Variants in PKIA observed in about 807,000 individuals in gnomAD.
The protein encoded by PKIA is PKI-alpha.
Under a neutral mutation model 7.6 loss-of-function variants are expected in PKIA, and 4 were observed. The ratio of observed to expected loss-of-function variants is 0.52; its 90% confidence interval spans 0.26 to 1.20. PKIA has a LOEUF of 1.20. Ranked by LOEUF, PKIA falls within the 50% of genes most tolerant of loss-of-function variation. PKIA has a pLI of 0.13. For synonymous variants in PKIA, 21 were observed against 30.7 expected, an observed-to-expected ratio of 0.68 and a Z score of 1.04; for missense variants, 73 against 86.2, an observed-to-expected ratio of 0.85 and a Z score of 0.61.
At chr8:78,519,039 G>GGT (rs748685358) in intron 1 of PKIA, among the ~76,000 whole-genome samples, 4 of 152,000 alleles carry the variant, frequency 2.6e-5, no homozygotes, top group Admixed American at 2.0e-4. Context: ...CTAATTGGCT[G>GGT]GTGTTCAGAA....
rs1412438561 is a variant in PKIA at position 78,524,076 on chromosome 8, A to T, written c.-157+7608A>T. Among the ~76,000 whole-genome samples the T allele has an allele frequency of 3.2e-4, 39 of 122,146 alleles. 5 individuals carry two copies. The highest frequency in any genetic ancestry group is 1.4e-3 in the African/African-American group (36 of 26,144). 80.1% of individuals were successfully genotyped at this position (122,146 alleles called of 152,430 possible). A position where few individuals can be genotyped will look rare whatever the true frequency, so the allele number is the denominator to read the frequency against. On this transcript the variant is annotated intron_variant, in intron 1 of 3. Transcript: ENST00000396418. ...TATATAAACATTTATATTTATATAT[A>T]AATATAAATAAACATTTATATTTAT... is the stretch of plus-strand genomic sequence containing the variant.
intron 2 of PKIA, among the ~76,000 whole-genome samples, chr8:78,577,589 A>T (rs1807705213): frequency 6.6e-6 from 1 of 152,002 alleles, no homozygotes; most frequent in African/African-American, 2.4e-5. Flanking sequence ...ACCTAAATTT[A>T]CTAAGTTGTA....
At chr8:78,550,676 A>T (rs551254729) in intron 1 of PKIA, among the ~76,000 whole-genome samples, 1 of 152,074 alleles carries the variant, frequency 6.6e-6, no homozygotes, top group South Asian at 2.1e-4. Context: ...TAATTTTTTC[A>T]TAGGTTTTTG....
chr8:78,540,256 C>T (rs77510834), intron 1 of PKIA, among the ~76,000 whole-genome samples: 4,078 of 151,946 alleles, frequency 0.027, 71 homozygotes, highest in Non-Finnish European at 0.036. Context: ...GCTACCCCTG[C>T]CCCTAGCAAG....
At chr8:78,539,039 G>A (rs1012727446) in intron 1 of PKIA, among the ~76,000 whole-genome samples, 1 of 152,070 alleles carries the variant, frequency 6.6e-6, no homozygotes, top group African/African-American at 2.4e-5. Flanking sequence ...AACAAGGTGA[G>A]TAATGAAAGG....
intron 2 of PKIA, among the ~76,000 whole-genome samples, chr8:78,580,774 C>T (rs546699458): frequency 6.6e-6 from 1 of 152,098 alleles, no homozygotes; most frequent in South Asian, 2.1e-4. Flanking sequence ...CAGTGTTTGT[C>T]ACTGTCTGAG....
At chr8:78,569,970 C>G (rs971642928) in intron 1 of PKIA, among the ~76,000 whole-genome samples, 3 of 151,964 alleles carry the variant, frequency 2.0e-5, no homozygotes, top group African/African-American at 7.2e-5. Context: ...TAGAATTTAT[C>G]AAACTTGAAA....
At chr8:78,538,405 T>C (rs1368803472) in intron 1 of PKIA, among the ~76,000 whole-genome samples, 3 of 152,068 alleles carry the variant, frequency 2.0e-5, no homozygotes, top group Non-Finnish European at 2.9e-5. Context: ...GGGACATTTA[T>C]GGCAATACTT....
At chr8:78,582,478 C>T (rs573889816) in intron 2 of PKIA, among the ~76,000 whole-genome samples, 2 of 152,126 alleles carry the variant, frequency 1.3e-5, no homozygotes, top group African/African-American at 4.8e-5. Flanking sequence ...ACCAACACCA[C>T]GATTCAGTTA....
chr8:78,577,704 G>A (rs147070973), intron 2 of PKIA, among the ~76,000 whole-genome samples: 54 of 152,022 alleles, frequency 3.6e-4, no homozygotes, highest in Admixed American at 7.2e-4. Flanking sequence ...AGTATCAAGA[G>A]GTATCCTTAT....
chr8:78,536,699 T>C (rs1806532452), intron 1 of PKIA, among the ~76,000 whole-genome samples: 1 of 152,190 alleles, frequency 6.6e-6, no homozygotes, highest in East Asian at 1.9e-4. Flanking sequence ...TGGGAAAGCA[T>C]ATATAAGAGT....
chr8:78,521,063 G>A (rs547943482), intron 1 of PKIA, among the ~76,000 whole-genome samples: 3 of 152,126 alleles, frequency 2.0e-5, no homozygotes, highest in South Asian at 2.1e-4. Context: ...AGGGAGCTCC[G>A]AACGTTACAC....
intron 2 of PKIA, among the ~76,000 whole-genome samples, chr8:78,576,245 T>G (rs746408944): frequency 6.6e-6 from 1 of 152,054 alleles, no homozygotes; most frequent in Non-Finnish European, 1.5e-5. Flanking sequence ...GTTGAAAATC[T>G]TTTCATCTGT....
chr8:78,573,859 T>G (rs1168891780), intron 2 of PKIA, among the ~76,000 whole-genome samples: 1 of 151,980 alleles, frequency 6.6e-6, no homozygotes, highest in East Asian at 1.9e-4. Context: ...TCCCCATGAT[T>G]CTAAGGACAA....
intron 1 of PKIA, among the ~76,000 whole-genome samples, chr8:78,567,638 G>A (rs529558872): frequency 3.3e-4 from 50 of 152,104 alleles, no homozygotes; most frequent in Non-Finnish European, 5.6e-4. Context: ...TACTCTGGAA[G>A]GAAATCACTA....
intron 1 of PKIA, chr8:78,534,373 G>A (rs1213989081): frequency 6.6e-6 from 1 of 152,090 alleles, no homozygotes; most frequent in Non-Finnish European, 1.5e-5. Flanking sequence ...CGGATTAGAT[G>A]TTGGTATCTC....
intron 2 of PKIA, among the ~76,000 whole-genome samples, chr8:78,583,683 T>C (rs1297476452): frequency 1.3e-5 from 2 of 152,034 alleles, no homozygotes; most frequent in African/African-American, 4.8e-5. Flanking sequence ...GAGATTATAG[T>C]TGGAGACAGC....
chr8:78,604,669 C>G lies in PKIA; in HGVS notation c.*2848C>G, dbSNP rs951839714. 6.6e-6 allele frequency: 1 copy of G among 151,918 alleles called. No individual in the cohort carries two copies. Among genetic ancestry groups the G allele is most frequent in the Non-Finnish European group, 1.5e-5 (1 of 67,938 alleles). The allele number at this position is 151,918 out of a possible 1,614,324, so 9.4% of individuals were successfully genotyped here. A position where few individuals can be genotyped will look rare whatever the true frequency, so the allele number is the denominator to read the frequency against. ...ATTTTTCTGGCATGTGGTCTGTAAA[C>G]ACAGCATGATTCATATTTTTTATGT... On this transcript the variant is annotated 3_prime_UTR_variant, in exon 4 of 4. Transcript: ENST00000396418.
rs111742340 is a variant in PKIA, at chr8:78,553,297, C to T, written c.-156-19514C>T. Among the ~76,000 whole-genome samples the T allele has an allele frequency of 9.1e-4, 138 of 151,990 alleles. 2 individuals carry two copies. The highest frequency in any genetic ancestry group is 3.0e-3 in the African/African-American group (125 of 41,514). ...CAGTCAGGGAATAAACTCAGGGTCC[C>T]GTCTGTGGAGGCAGAGAATCCCGGC... On this transcript the variant is annotated intron_variant, in intron 1 of 3. Coordinates refer to ENST00000396418, the MANE Select transcript of PKIA (RefSeq NM_006823.4).
Sources: gnomAD v4.1 joint callset for allele counts (sites outside exome capture counted in the v4.1 genomes callset) on GRCh38, gnomAD v4.1.1 for gene constraint, MANE v1.5 for transcripts, NCBI Gene and HGNC (gene_info 2026-07-23, HGNC 2026-07-21) for gene names.